FBXL20: variants seen among roughly 807,000 people sequenced by gnomAD.
FBXL20 encodes the protein F-box and leucine rich repeat protein 20.
Under a neutral mutation model 64.0 loss-of-function variants are expected in FBXL20, and 11 were observed. The ratio of observed to expected loss-of-function variants is 0.17; its 90% CI spans 0.11 to 0.28. The LOEUF (loss-of-function observed/expected upper bound fraction) is 0.28, where lower values mean the gene tolerates loss of function less well. FBXL20 is among the 10% of genes least tolerant of loss of function. The pLI is 1.00. For missense variants in FBXL20, 303 were observed against 526.2 expected (o/e 0.58, Z 4.15); for synonymous variants, 184 against 189.0 (o/e 0.97, Z 0.22).
intron 1 of FBXL20, among the ~76,000 whole-genome samples, chr17:39,385,396 C>T (rs899001933): frequency 2.0e-5 from 3 of 152,078 alleles, no homozygotes; most frequent in African/African-American, 7.2e-5. Context: ...ACTTTTTAAC[C>T]CAAACTCACT....
Position 39,254,393 on chromosome 17 carries a change from G to C in FBXL20, c.*7067C>G, listed in dbSNP as rs182970779. The C allele has an allele frequency of 2.0e-5, 3 of 152,514 alleles. No individual in the cohort carries two copies. The East Asian group carries it at 5.6e-4, about 29-fold the overall frequency. The allele number at this position is 152,514 out of a possible 1,614,324, so 9.4% of individuals were successfully genotyped here. On this transcript the variant is annotated 3_prime_UTR_variant, in exon 15 of 15. Coordinates refer to ENST00000264658, the MANE Select transcript of FBXL20 (RefSeq NM_032875.3). ...TTAACAAAAAAGACGTCACTTCAAA[G>C]ATGATCCTTGGTTCTTGGGGCATGA...
At chr17:39,390,647 G>A (rs1227852294) in intron 1 of FBXL20, among the ~76,000 whole-genome samples, 3 of 151,906 alleles carry the variant, frequency 2.0e-5, no homozygotes, top group Non-Finnish European at 2.9e-5. Flanking sequence ...GGATGGCCTG[G>A]GCCCCAGAGG....
chr17:39,337,492 G>T (rs879118095), intron 2 of FBXL20, among the ~76,000 whole-genome samples: 1 of 151,884 alleles, frequency 6.6e-6, no homozygotes, highest in East Asian at 1.9e-4. Flanking sequence ...GCCCAGTCTG[G>T]AAAGTGAGGA....
intron 6 of FBXL20, among the ~76,000 whole-genome samples, chr17:39,296,772 C>T (rs141461144): frequency 3.3e-5 from 5 of 152,116 alleles, no homozygotes; most frequent in African/African-American, 9.6e-5. Flanking sequence ...GCTGTTTAGT[C>T]CTCTGTTTAA....
intron 1 of FBXL20, among the ~76,000 whole-genome samples, chr17:39,373,596 G>A (rs1461914460): frequency 6.6e-6 from 1 of 152,148 alleles, no homozygotes; most frequent in African/African-American, 2.4e-5. Context: ...CTTTTCTTGA[G>A]ACCTCTTCAG....
rs944008212 is a variant in FBXL20, at chr17:39,257,564, C to T, written c.*3896G>A. 6.6e-6 allele frequency: 1 copy of T among 152,242 alleles called. No homozygotes were observed. The highest frequency in any genetic ancestry group is 6.5e-5 in the Admixed American group (1 of 15,286). The allele number at this position is 152,242 out of a possible 1,614,324, so 9.4% of individuals were successfully genotyped here. A position where few individuals can be genotyped will look rare whatever the true frequency, so the allele number is the denominator to read the frequency against. ...ACAAAGCACAATATGCTTTCATATTCCAAATATTGGAAAAAGGGCTAAGGC... is the reference window on the plus strand; with the variant it reads ...ACAAAGCACAATATGCTTTCATATTTCAAATATTGGAAAAAGGGCTAAGGC... On this transcript the variant is annotated 3_prime_UTR_variant, in exon 15 of 15. Coordinates refer to ENST00000264658, the MANE Select transcript of FBXL20 (RefSeq NM_032875.3).
intron 2 of FBXL20, among the ~76,000 whole-genome samples, chr17:39,328,006 G>A (rs2047424516): frequency 2.0e-5 from 3 of 152,090 alleles, no homozygotes; most frequent in African/African-American, 4.8e-5. Context: ...CCAGCACTTT[G>A]GGAGGCCAAG....
At chr17:39,386,861 G>A (rs1049070136) in intron 1 of FBXL20, among the ~76,000 whole-genome samples, 1 of 152,066 alleles carries the variant, frequency 6.6e-6, no homozygotes, top group African/African-American at 2.4e-5. Flanking sequence ...ATTGAATCTT[G>A]TGCTTTTTTG....
chr17:39,349,816 G>A (rs1337845378), intron 1 of FBXL20, among the ~76,000 whole-genome samples: 2 of 151,800 alleles, frequency 1.3e-5, no homozygotes, highest in East Asian at 3.9e-4. Context: ...AGCGCTTGTA[G>A]TCCCAGCTAC....
chr17:39,341,753 C>G (rs1275942552), intron 2 of FBXL20, among the ~76,000 whole-genome samples: 1 of 152,188 alleles, frequency 6.6e-6, no homozygotes, highest in African/African-American at 2.4e-5. Flanking sequence ...CACCTGCCCT[C>G]AGCCTTGGAG....
At chr17:39,348,852 A>G (rs1176875772) in intron 1 of FBXL20, among the ~76,000 whole-genome samples, 1 of 151,986 alleles carries the variant, frequency 6.6e-6, no homozygotes, top group African/African-American at 2.4e-5. Flanking sequence ...GTGTTACCAC[A>G]CCTGACTAAT....
In FBXL20 at chr17:39,253,639, G is replaced by GT. The variant is rs1158250605; in HGVS notation, c.*7820dup. On this transcript the variant is annotated 3_prime_UTR_variant, in exon 15 of 15. Coordinates refer to ENST00000264658, the MANE Select transcript of FBXL20 (RefSeq NM_032875.3). ...TTAGAAGTTAGTGTGTAATTTGGAAGTAGGGTGAGGAGGGGAGTGAGAAGA... is the reference window on the plus strand; with the variant it reads ...TTAGAAGTTAGTGTGTAATTTGGAAGTTAGGGTGAGGAGGGGAGTGAGAAGA... 1 of 152,284 alleles carries GT rather than the reference G, an allele frequency of 6.6e-6. No homozygotes were observed. The highest frequency in any genetic ancestry group is 1.9e-4 in the East Asian group (1 of 5,324). 9.4% of individuals were successfully genotyped at this position (152,284 alleles called of 1,614,324 possible).
chr17:39,346,623 C>T (rs1442924336), intron 1 of FBXL20, among the ~76,000 whole-genome samples: 2 of 151,432 alleles, frequency 1.3e-5, no homozygotes, highest in Non-Finnish European at 2.9e-5. Context: ...TACTTAGTAA[C>T]AAAAAGTTGA....
intron 1 of FBXL20, among the ~76,000 whole-genome samples, chr17:39,385,243 G>A (rs1019931714): frequency 6.6e-5 from 10 of 151,056 alleles, no homozygotes; most frequent in Admixed American, 1.3e-4. Flanking sequence ...ACGCGCGTGC[G>A]TGCACACACA....
chr17:39,323,202 CTCGTGA>C (rs1453001769), intron 2 of FBXL20, among the ~76,000 whole-genome samples: 10 of 152,024 alleles, frequency 6.6e-5, no homozygotes, highest in Non-Finnish European at 1.5e-4. Context: ...ATCTCCTGAC[CTCGTGA>C]TCCGCCCGCC....
At chr17:39,317,918 G>A (rs1309542951) in intron 2 of FBXL20, among the ~76,000 whole-genome samples, 1 of 150,758 alleles carries the variant, frequency 6.6e-6, no homozygotes, top group Non-Finnish European at 1.5e-5. Context: ...AGCCGGGATG[G>A]TCTCGATCTC....
At chr17:39,343,695 C>CT (rs66827882) in intron 1 of FBXL20, among the ~76,000 whole-genome samples, 1,508 of 134,586 alleles carry the variant, frequency 0.011, 7 homozygotes, top group Middle Eastern at 0.019. Context: ...GGCGAAAACT[C>CT]TTTTTTTTTT....
chr17:39,261,686 C>A (rs756067518), intron 14 of FBXL20, 119 bp from the exon 15 acceptor site: 11 of 707,608 alleles, frequency 1.6e-5, no homozygotes, highest in Non-Finnish European at 2.6e-5. Flanking sequence ...AAAGGCTGAG[C>A]ACTGGTCAGG....
intron 1 of FBXL20, among the ~76,000 whole-genome samples, chr17:39,361,948 T>G: frequency 6.9e-6 from 1 of 144,522 alleles, no homozygotes. Context: ...TTAAAAAGAG[T>G]AAAGTTTTAA....
Sources: gnomAD v4.1 joint callset for allele counts (sites outside exome capture counted in the v4.1 genomes callset) on GRCh38, gnomAD v4.1.1 for gene constraint, MANE v1.5 for transcripts, NCBI Gene and HGNC (gene_info 2026-07-23, HGNC 2026-07-21) for gene names.